STX3: variants seen among roughly 807,000 people sequenced by gnomAD.
The protein encoded by STX3 is syntaxin-3.
In STX3, 19 loss-of-function variants were observed where a neutral mutation model predicts 40.2. The ratio of observed to expected loss-of-function variants is 0.47; its 90% CI spans 0.33 to 0.69. The LOEUF (loss-of-function observed/expected upper bound fraction) is 0.69. Ranked by LOEUF, STX3 falls within the 30% of genes least tolerant of loss-of-function variation. The pLI, the probability that STX3 is intolerant of heterozygous loss-of-function variation, is 0.02. For missense variants in STX3, 364 were observed against 366.7 expected (o/e 0.99, Z 0.06); for synonymous variants, 122 against 132.2 (o/e 0.92, Z 0.53).
chr11:59,754,517 C>G (rs1211218065), upstream of STX3: 2 of 152,952 alleles, frequency 1.3e-5, no homozygotes, highest in South Asian at 2.1e-4. Flanking sequence ...GAGGGAGAGG[C>G]GGGGAGAAGA....
At chr11:59,788,802 T>A (rs1176448959) in intron 3 of STX3, 71 bp from the exon 4 acceptor site, 3 of 1,346,584 alleles carry the variant, frequency 2.2e-6, no homozygotes, top group Non-Finnish European at 3.1e-6. Context: ...CCTCTGATGA[T>A]GATTGCTGTA....
At chr11:59,800,192 A>G in intron 10 of STX3, 1 of 985,446 alleles carries the variant, frequency 1.0e-6, no homozygotes, top group Non-Finnish European at 1.2e-6. Context: ...AACAAAGTCA[A>G]GACTGATTGT....
chr11:59,793,173 G>T lies in STX3; in HGVS notation c.540+1G>T. The stretch of plus-strand genomic sequence containing the variant: ...CAACCCGGCCATCTTCACTTCTGGG[G>T]TGAGTGCCCTGTGTGCTCGGATAGC... On this transcript the variant is annotated splice_donor_variant, in intron 7 of 10. Transcript: ENST00000337979. LOFTEE classifies it high-confidence loss of function. 1 of 1,613,132 alleles carries T rather than the reference G, an allele frequency of 6.2e-7. No homozygotes were observed. Among genetic ancestry groups the T allele is most frequent in the Non-Finnish European group, 8.5e-7 (1 of 1,179,866 alleles).
chr11:59,772,974 A>AAACACACACACACAC (rs1554996770), intron 1 of STX3, among the ~76,000 whole-genome samples: 1,981 of 140,648 alleles, frequency 0.014, 36 homozygotes, highest in Admixed American at 0.041. Flanking sequence ...CCCTGAAAGA[A>AAACACACACACACAC]ACACACACAC....
In STX3 at chr11:59,800,930, A is replaced by ATG; in HGVS notation, c.*106_*107insTG. On this transcript the variant is annotated 3_prime_UTR_variant, in exon 11 of 11. Transcript: ENST00000337979. The stretch of plus-strand genomic sequence containing the variant: ...ATGGAGTCTGAATGGCCTTCCTGAG[A>ATG]GCGAGTGCGACCCGTTCCTTTGTTT... 6.5e-7 allele frequency: 1 copy of ATG among 1,536,170 alleles called. No individual in the cohort carries two copies. The highest frequency in any genetic ancestry group is 8.7e-7 in the Non-Finnish European group (1 of 1,146,856).
rs1387819209 is a variant in STX3 at position 59,803,360 on chromosome 11, G to A, written c.*2536G>A. The A allele has an allele frequency of 8.1e-6, 9 of 1,112,864 alleles. No individual in the cohort carries two copies. The African/African-American group carries it at 1.3e-4, about 16-fold the overall frequency. 68.9% of individuals were successfully genotyped at this position (1,112,864 alleles called of 1,614,324 possible). On this transcript the variant is annotated 3_prime_UTR_variant, in exon 11 of 11. Transcript: ENST00000337979. ...CACTGACTTGAAACCTTTGTGTCTTGGGGGCACTCTAGGTGCCTTAATCTG... is the reference window on the plus strand; with the variant it reads ...CACTGACTTGAAACCTTTGTGTCTTAGGGGCACTCTAGGTGCCTTAATCTG...
chr11:59,804,538 C>CAA lies in STX3; in HGVS notation c.*3714_*3715insAA, dbSNP rs1305599600. 1 of 152,138 alleles carries CAA rather than the reference C, an allele frequency of 6.6e-6. No homozygotes were observed. The highest frequency in any genetic ancestry group is 1.5e-5 in the Non-Finnish European group (1 of 68,028). 9.4% of individuals were successfully genotyped at this position (152,138 alleles called of 1,614,324 possible). A position where few individuals can be genotyped will look rare whatever the true frequency, so the allele number is the denominator to read the frequency against. On this transcript the variant is annotated 3_prime_UTR_variant, in exon 11 of 11. Coordinates refer to ENST00000337979, the MANE Select transcript of STX3 (RefSeq NM_004177.5). ...GTTACTGTCAGAGGCTGTGTAAAGC[C>CAA]GCTTGGGAATGGGCTGATCTGCTTA...
chr11:59,770,288 T>C (rs1301124939), intron 1 of STX3, among the ~76,000 whole-genome samples: 1 of 143,124 alleles, frequency 7.0e-6, no homozygotes, highest in Non-Finnish European at 1.5e-5. Context: ...ATGTGTGGAG[T>C]GTATGTGTGT....
At chr11:59,774,304 T>G (rs566425881) in intron 2 of STX3, among the ~76,000 whole-genome samples, 1 of 152,196 alleles carries the variant, frequency 6.6e-6, no homozygotes, top group East Asian at 1.9e-4. Context: ...TGTCTGGGCT[T>G]CCTTACCTGT....
At chr11:59,775,436 T>C (rs76269587) in intron 2 of STX3, among the ~76,000 whole-genome samples, 26 of 152,350 alleles carry the variant, frequency 1.7e-4, no homozygotes, top group Non-Finnish European at 2.1e-4. Context: ...AAAGAACTTC[T>C]TCCCTAAGAT....
At chr11:59,798,210 G>T (rs374664340) in intron 10 of STX3, among the ~76,000 whole-genome samples, 37 of 116,508 alleles carry the variant, frequency 3.2e-4, no homozygotes, top group African/African-American at 4.6e-4. Flanking sequence ...TGAATCACTG[G>T]TTTTTTTTTT....
Position 59,796,683 on chromosome 11 carries a change from C to T in STX3, c.787-600C>T, listed in dbSNP as rs78176474. On this transcript the variant is annotated intron_variant, in intron 9 of 10. Coordinates refer to ENST00000337979, the MANE Select transcript of STX3 (RefSeq NM_004177.5). The stretch of plus-strand genomic sequence containing the variant: ...TGACTTTTTATCTTGGCCAACTGCT[C>T]CTTAGAGACCCCACGATAGTGGCTC... 1.5e-3 allele frequency among the ~76,000 whole-genome samples: 222 copies of T among 152,298 alleles called. 1 individual carries two copies. Among genetic ancestry groups the T allele is most frequent in the Middle Eastern group, 0.01 (3 of 294 alleles).
At chr11:59,792,242 C>G in intron 6 of STX3, 27 bp downstream of exon 6, 2 of 1,592,456 alleles carry the variant, frequency 1.3e-6, no homozygotes, top group Non-Finnish European at 1.7e-6. Context: ...TGGCGTGTGC[C>G]CTCCACCTTT....
chr11:59,791,562 T>C (rs1354258116), intron 5 of STX3, among the ~76,000 whole-genome samples: 5 of 152,072 alleles, frequency 3.3e-5, no homozygotes, highest in Non-Finnish European at 7.4e-5. Flanking sequence ...AAAGTATATA[T>C]ATTGGCGATT....
At chr11:59,789,031 T>A in intron 4 of STX3, 84 bp downstream of exon 4, 2 of 1,241,224 alleles carry the variant, frequency 1.6e-6, no homozygotes, top group Non-Finnish European at 2.3e-6. Context: ...GAACTGAAAC[T>A]CCTCTTGATG....
chr11:59,800,877 G>T lies in STX3; in HGVS notation c.*53G>T, dbSNP rs1865852964. The stretch of plus-strand genomic sequence containing the variant: ...TAGAAACTGATTTCACTCCAGACTG[G>T]TGTGGCCACCCTTGTCTTCAGATGA... On this transcript the variant is annotated 3_prime_UTR_variant, in exon 11 of 11. Transcript: ENST00000337979. 4.6e-6 allele frequency: 7 copies of T among 1,536,110 alleles called. No individual in the cohort carries two copies. Among genetic ancestry groups the T allele is most frequent in the Non-Finnish European group, 6.1e-6 (7 of 1,146,908 alleles).
rs1366563854 is a variant in STX3 at position 59,804,924 on chromosome 11, ACG to A, written c.*4101_*4102del. On this transcript the variant is annotated 3_prime_UTR_variant, in exon 11 of 11. Transcript: ENST00000337979. ...TATAAGAAACTGTTATAGGCCGGGC[ACG>A]GTGGCTCATGCCTGTAATCACAGCA... 6.6e-6 allele frequency: 1 copy of A among 152,210 alleles called. No individual in the cohort carries two copies. The highest frequency in any genetic ancestry group is 6.5e-5 in the Admixed American group (1 of 15,276). The allele number at this position is 152,210 out of a possible 1,614,324, so 9.4% of individuals were successfully genotyped here. A position where few individuals can be genotyped will look rare whatever the true frequency, so the allele number is the denominator to read the frequency against.
At chr11:59,792,855 G>C (rs1251044164) in intron 6 of STX3, among the ~76,000 whole-genome samples, 1 of 152,136 alleles carries the variant, frequency 6.6e-6, no homozygotes, top group East Asian at 1.9e-4. Context: ...TAGTGAATGG[G>C]GCAAGGAAAT....
At position 59,773,285 on chromosome 11, in the gene STX3, C is replaced by T; in HGVS notation, c.105C>T (p.Phe35=). The change falls in exon 2 of 11, where the codon TTC becomes TTT. Residue 35 remains phenylalanine (F), a synonymous_variant. Transcript: ENST00000337979. ...ACAACACGGCTTTTATGGACGAGTT[C>T]TTTTCTGAGGTAGGCAACCTTCCTG... ...AIDNTAFMDE[F]FSEIEETRLN... is the part of the protein sequence containing the mutation. 1 of 1,614,000 alleles carries T rather than the reference C, an allele frequency of 6.2e-7. No individual in the cohort carries two copies.
Sources: gnomAD v4.1 joint callset for allele counts (sites outside exome capture counted in the v4.1 genomes callset) on GRCh38, gnomAD v4.1.1 for gene constraint, MANE v1.5 for transcripts, NCBI Gene and HGNC (gene_info 2026-07-23, HGNC 2026-07-21) for gene names.